Variants in XPO4 observed in about 807,000 individuals in gnomAD.
XPO4 encodes exportin-4.
Under a neutral mutation model 143.0 loss-of-function variants are expected in XPO4, and 39 were observed. That is an observed-to-expected ratio of 0.27 (90% CI 0.21 to 0.36). The LOEUF (loss-of-function observed/expected upper bound fraction) is 0.36. Ranked by LOEUF, XPO4 falls within the 10% of genes least tolerant of loss-of-function variation. The pLI, the probability that XPO4 is intolerant of heterozygous loss-of-function variation, is 1.00. For synonymous variants in XPO4, 439 were observed against 474.0 expected (o/e 0.93, Z 0.96); for missense variants, 907 against 1,348.0 (o/e 0.67, Z 5.12).
At chr13:20,876,232 A>G (rs1190768103) in intron 1 of XPO4, among the ~76,000 whole-genome samples, 2 of 149,556 alleles carry the variant, frequency 1.3e-5, no homozygotes, top group Non-Finnish European at 3.0e-5. Context: ...ATTGCACTCT[A>G]GCCTGGACAA....
chr13:20,800,320 ACTTAT>A lies in XPO4; in HGVS notation c.1978_1982del (p.Ile660SerfsTer28). 1 of 1,611,554 alleles carries A rather than the reference ACTTAT, an allele frequency of 6.2e-7. No individual in the cohort carries two copies. The highest frequency in any genetic ancestry group is 8.5e-7 in the Non-Finnish European group (1 of 1,178,812). ...CTCCGAACGCTGTACTGAATGGCAG[ACTTAT>A]CTTAAGAGAGGAAACAAATTTTTTA... On this transcript the variant is annotated frameshift_variant and splice_region_variant, in exon 15 of 23. Transcript: ENST00000255305. LOFTEE classifies it high-confidence loss of function.
At chr13:20,877,334 A>G (rs933768045) in intron 1 of XPO4, among the ~76,000 whole-genome samples, 1 of 152,212 alleles carries the variant, frequency 6.6e-6, no homozygotes, top group African/African-American at 2.4e-5. Flanking sequence ...CCCACCTAAA[A>G]TGACATTTCC....
At chr13:20,869,506 C>T (rs931964779) in intron 1 of XPO4, 40 of 967,172 alleles carry the variant, frequency 4.1e-5, no homozygotes, top group Non-Finnish European at 4.2e-5. Context: ...CTTTATTATT[C>T]AAACCATTGA....
intron 1 of XPO4, among the ~76,000 whole-genome samples, chr13:20,874,230 T>C (rs959574308): frequency 1.3e-5 from 2 of 152,070 alleles, no homozygotes; most frequent in African/African-American, 4.8e-5. Flanking sequence ...AACACGAAAA[T>C]GTGAGAATAT....
At chr13:20,871,122 T>C (rs1421071209) in intron 1 of XPO4, among the ~76,000 whole-genome samples, 2 of 152,128 alleles carry the variant, frequency 1.3e-5, no homozygotes, top group African/African-American at 4.8e-5. Context: ...TTCAAATTTT[T>C]TTATTCCCAC....
chr13:20,823,344 TAATA>T (rs2059743468), intron 7 of XPO4, among the ~76,000 whole-genome samples: 1 of 152,208 alleles, frequency 6.6e-6, no homozygotes, highest in South Asian at 2.1e-4. Context: ...AATGAACACT[TAATA>T]AATCCTTGTT....
At chr13:20,892,831 T>A (rs1392602240) in intron 1 of XPO4, among the ~76,000 whole-genome samples, 1 of 150,668 alleles carries the variant, frequency 6.6e-6, no homozygotes, top group East Asian at 1.9e-4. Context: ...CTGCAGTGAG[T>A]CATGATCACA....
chr13:20,828,741 G>A (rs1257402382), intron 6 of XPO4, among the ~76,000 whole-genome samples: 3 of 152,044 alleles, frequency 2.0e-5, no homozygotes, highest in Non-Finnish European at 4.4e-5. Context: ...GGAAAGAGGT[G>A]AAGGCCAAAA....
In XPO4 at chr13:20,799,227, C is replaced by A. The variant is rs2059400575; in HGVS notation, c.2260G>T (p.Ala754Ser). 6.2e-7 allele frequency: 1 copy of A among 1,613,354 alleles called. No homozygotes were observed. Among genetic ancestry groups the A allele is most frequent in the Admixed American group, 1.7e-5 (1 of 59,984 alleles). The change falls in exon 16 of 23, where the codon GCT (alanine) becomes TCT (serine). Residue 754 changes from alanine to serine, a missense_variant. Ala to Ser is a moderately conservative substitution (Grantham distance 99, BLOSUM62 1). Coordinates refer to ENST00000255305, the MANE Select transcript of XPO4 (RefSeq NM_022459.5). ...TGTGCAAAACCTCCTAAGACTAGAG[C>A]CTTCATCAATGTCCTCTGCACAGGA... The part of the protein sequence containing the change: ...SSPVQRTLMK[A>S]LVLGGFAHMD...
rs2059102286 is a variant in XPO4 at position 20,777,803 on chromosome 13, T to C, written c.*5919A>G. 1 of 152,200 alleles carries C rather than the reference T, an allele frequency of 6.6e-6. No homozygotes were observed. The highest frequency in any genetic ancestry group is 2.4e-5 in the African/African-American group (1 of 41,452). The allele number at this position is 152,200 out of a possible 1,614,324, so 9.4% of individuals were successfully genotyped here. On this transcript the variant is annotated 3_prime_UTR_variant, in exon 23 of 23. Transcript: ENST00000255305. Reference sequence around the variant, plus strand: ...CTTACCTCAGTTCACTCTCATGCTATATATTAAAAATAATTTACAGGGACA... The same window carrying C: ...CTTACCTCAGTTCACTCTCATGCTACATATTAAAAATAATTTACAGGGACA...
intron 3 of XPO4, chr13:20,856,538 A>T: frequency 4.6e-6 from 1 of 219,162 alleles, no homozygotes; most frequent in Non-Finnish European, 7.7e-6. Flanking sequence ...AGATACAACC[A>T]CCAAGTGCCC....
At chr13:20,830,972 A>C (rs2059845729) in intron 6 of XPO4, among the ~76,000 whole-genome samples, 9 of 152,170 alleles carry the variant, frequency 5.9e-5, no homozygotes, top group Admixed American at 5.9e-4. Flanking sequence ...AATCTGGACC[A>C]TATCTTTACA....
At chr13:20,867,528 T>C (rs1467433520) in intron 2 of XPO4, among the ~76,000 whole-genome samples, 3 of 152,198 alleles carry the variant, frequency 2.0e-5, no homozygotes, top group African/African-American at 7.2e-5. Flanking sequence ...ATAAGGCAGA[T>C]GAAAAAGAGG....
chr13:20,829,029 C>T (rs1039760740), intron 6 of XPO4, among the ~76,000 whole-genome samples: 3 of 152,188 alleles, frequency 2.0e-5, no homozygotes, highest in African/African-American at 7.2e-5. Flanking sequence ...AAATTTTCCA[C>T]AATAACGGGA....
chr13:20,806,294 T>C (rs1416298252), intron 13 of XPO4, among the ~76,000 whole-genome samples: 2 of 152,200 alleles, frequency 1.3e-5, no homozygotes, highest in East Asian at 3.8e-4. Context: ...TCCTTGGTTA[T>C]CAGCTTAATA....
At chr13:20,877,810 C>T (rs950046682) in intron 1 of XPO4, among the ~76,000 whole-genome samples, 5 of 152,130 alleles carry the variant, frequency 3.3e-5, no homozygotes, top group African/African-American at 1.2e-4. Flanking sequence ...GGATATTAAA[C>T]ATGACAACAC....
At chr13:20,816,323 G>A (rs562298945) in intron 9 of XPO4, among the ~76,000 whole-genome samples, 1 of 151,884 alleles carries the variant, frequency 6.6e-6, no homozygotes, top group Non-Finnish European at 1.5e-5. Context: ...GCAAATATGG[G>A]AACAATATAG....
At chr13:20,849,845 C>A in intron 4 of XPO4, 1 of 979,764 alleles carries the variant, frequency 1.0e-6, no homozygotes, top group Non-Finnish European at 1.2e-6. Flanking sequence ...GTGGCTCACA[C>A]CTGTAATCCC....
chr13:20,790,839 CA>C (rs2059270431), intron 18 of XPO4, among the ~76,000 whole-genome samples: 1 of 152,046 alleles, frequency 6.6e-6, no homozygotes, highest in African/African-American at 2.4e-5. Context: ...GTACTTGATA[CA>C]GAAGTATTGG....
Sources: allele counts gnomAD v4.1 joint callset (sites outside exome capture counted in the v4.1 genomes callset), GRCh38; gene constraint gnomAD v4.1.1; transcripts MANE v1.5; gene names NCBI Gene and HGNC (gene_info 2026-07-23, HGNC 2026-07-21).